Variants in FHIT observed in about 807,000 individuals in gnomAD.
FHIT encodes the protein bis(5'-adenosyl)-triphosphatase.
Under a neutral mutation model 17.9 loss-of-function variants are expected in FHIT, and 19 were observed. The observed-to-expected ratio is 1.06, with a 90% confidence interval of 0.74 to 1.56. The LOEUF is 1.56. FHIT is among the 40% of genes most tolerant of loss of function. The pLI, the probability that FHIT is intolerant of heterozygous loss-of-function variation, is 0.00. For synonymous variants in FHIT, 81 were observed against 69.7 expected, an observed-to-expected ratio of 1.16 and a Z score of -0.81; for missense variants, 248 against 189.2, an observed-to-expected ratio of 1.31 and a Z score of -1.82.
At chr3:60,948,543 G>A (rs578212657) in intron 3 of FHIT, among the ~76,000 whole-genome samples, 1 of 152,286 alleles carries the variant, frequency 6.6e-6, no homozygotes, top group Admixed American at 6.5e-5. Context: ...GTCAAAGACA[G>A]CCATCTTGTA....
At chr3:61,085,000 T>C (rs1253561259) in intron 2 of FHIT, among the ~76,000 whole-genome samples, 4 of 152,228 alleles carry the variant, frequency 2.6e-5, no homozygotes, top group Admixed American at 1.3e-4. Context: ...CTTTACAATG[T>C]TGAGTAGTAT....
At chr3:61,107,595 G>T (rs772371970) in intron 2 of FHIT, among the ~76,000 whole-genome samples, 3 of 152,122 alleles carry the variant, frequency 2.0e-5, no homozygotes, top group South Asian at 2.1e-4. Context: ...GTGTACATGG[G>T]TTGCTTTTTC....
At chr3:59,944,733 T>C (rs1580456) in intron 7 of FHIT, among the ~76,000 whole-genome samples, 1 of 152,104 alleles carries the variant, frequency 6.6e-6, no homozygotes, top group African/African-American at 2.4e-5. Flanking sequence ...TGTATCCAAG[T>C]GTACTAAATG....
intron 8 of FHIT, among the ~76,000 whole-genome samples, chr3:59,844,128 C>T (rs1701630870): frequency 6.6e-6 from 1 of 152,132 alleles, no homozygotes; most frequent in Non-Finnish European, 1.5e-5. Flanking sequence ...GATATTGGCA[C>T]CATGCTTGTG....
intron 5 of FHIT, among the ~76,000 whole-genome samples, chr3:60,062,295 A>T (rs1276638681): frequency 6.6e-6 from 1 of 152,144 alleles, no homozygotes; most frequent in Non-Finnish European, 1.5e-5. Context: ...GTGGAAATGT[A>T]TTCTATGCTG....
chr3:59,836,287 T>C (rs1047946780), intron 8 of FHIT, among the ~76,000 whole-genome samples: 1 of 152,198 alleles, frequency 6.6e-6, no homozygotes, highest in East Asian at 1.9e-4. Context: ...GGCTGGGCAT[T>C]CTTATCCTTT....
intron 5 of FHIT, among the ~76,000 whole-genome samples, chr3:60,377,403 C>G (rs193086865): frequency 6.6e-6 from 1 of 150,508 alleles, no homozygotes; most frequent in African/African-American, 2.4e-5. Context: ...GTGATCCTCC[C>G]GCCTCAGCCT....
intron 8 of FHIT, among the ~76,000 whole-genome samples, chr3:59,909,471 G>A (rs1033850099): frequency 1.6e-4 from 24 of 151,808 alleles, no homozygotes; most frequent in African/African-American, 5.6e-4. Flanking sequence ...ATGCGATTAT[G>A]GGCACGCACC....
intron 4 of FHIT, among the ~76,000 whole-genome samples, chr3:60,559,700 G>A (rs182743555): frequency 6.6e-6 from 1 of 152,176 alleles, no homozygotes; most frequent in African/African-American, 2.4e-5. Flanking sequence ...GAAAGCATAT[G>A]TATCTCTGGG....
intron 5 of FHIT, among the ~76,000 whole-genome samples, chr3:60,045,268 G>A (rs1362933572): frequency 6.6e-6 from 1 of 152,168 alleles, no homozygotes; most frequent in East Asian, 1.9e-4. Flanking sequence ...ACATACCTGA[G>A]ACTGGGCAAT....
At position 60,964,931 on chromosome 3, in the gene FHIT, G is replaced by T. The variant is rs190454515; in HGVS notation, c.-111+77116C>A. Reference sequence around the variant, plus strand: ...GTCTTGGAGTTGCTCTTCTTGAGGAGTATCTTTGTGGTTGTCTCTGTATTT... The same window carrying T: ...GTCTTGGAGTTGCTCTTCTTGAGGATTATCTTTGTGGTTGTCTCTGTATTT... On this transcript the variant is annotated intron_variant, in intron 3 of 9. Coordinates refer to ENST00000492590, the MANE Select transcript of FHIT (RefSeq NM_002012.4). Among the ~76,000 whole-genome samples the T allele has an allele frequency of 1.8e-3, 269 of 152,286 alleles. 1 individual carries two copies. The highest frequency in any genetic ancestry group is 6.2e-3 in the African/African-American group (258 of 41,550).
intron 4 of FHIT, among the ~76,000 whole-genome samples, chr3:60,686,369 C>T (rs555209795): frequency 6.6e-6 from 1 of 152,062 alleles, no homozygotes; most frequent in African/African-American, 2.4e-5. Flanking sequence ...TAGGTTGGCA[C>T]AAAAGTAATT....
chr3:60,522,141 CT>C (rs1411401504), intron 5 of FHIT, among the ~76,000 whole-genome samples: 2 of 128,204 alleles, frequency 1.6e-5, no homozygotes, highest in Non-Finnish European at 3.2e-5. Context: ...CAGAGTCTTG[CT>C]CTGTTGCCTA....
intron 4 of FHIT, among the ~76,000 whole-genome samples, chr3:60,551,253 C>T (rs1228074720): frequency 1.3e-5 from 2 of 150,724 alleles, no homozygotes; most frequent in African/African-American, 2.4e-5. Context: ...ATGAGAAACT[C>T]GTGATAACAA....
At chr3:61,207,186 A>G (rs560867082) in intron 1 of FHIT, among the ~76,000 whole-genome samples, 1 of 152,282 alleles carries the variant, frequency 6.6e-6, no homozygotes, top group East Asian at 1.9e-4. Context: ...ATCATGGTGG[A>G]TAAGCTTTTT....
At chr3:60,926,948 A>C (rs1212066414) in intron 3 of FHIT, among the ~76,000 whole-genome samples, 1 of 152,034 alleles carries the variant, frequency 6.6e-6, no homozygotes, top group Non-Finnish European at 1.5e-5. Context: ...TAAACTACAA[A>C]ATCTAGCTCC....
intron 3 of FHIT, among the ~76,000 whole-genome samples, chr3:60,928,747 C>G (rs1390789766): frequency 2.0e-5 from 3 of 152,156 alleles, no homozygotes; most frequent in African/African-American, 7.2e-5. Flanking sequence ...CAAAAAAATC[C>G]AGGACCAGAT....
At chr3:60,542,057 G>A (rs941953592) in intron 4 of FHIT, among the ~76,000 whole-genome samples, 6 of 151,810 alleles carry the variant, frequency 4.0e-5, no homozygotes, top group African/African-American at 1.5e-4. Flanking sequence ...ACATGTTTGT[G>A]TACATACATT....
At chr3:60,900,210 A>G (rs1396470193) in intron 3 of FHIT, among the ~76,000 whole-genome samples, 1 of 152,120 alleles carries the variant, frequency 6.6e-6, no homozygotes, top group African/African-American at 2.4e-5. Flanking sequence ...AGTAATGGGG[A>G]TTCAGGGCCA....
Sources: gnomAD v4.1 joint callset for allele counts (sites outside exome capture counted in the v4.1 genomes callset) on GRCh38, gnomAD v4.1.1 for gene constraint, MANE v1.5 for transcripts, NCBI Gene and HGNC (gene_info 2026-07-23, HGNC 2026-07-21) for gene names.